The following PDGFD variants were observed in gnomAD, a reference collection of about 807,000 sequenced individuals.
PDGFD encodes the protein platelet derived growth factor D.
Under a neutral mutation model 44.7 loss-of-function variants are expected in PDGFD, and 30 were observed. That is an observed-to-expected ratio of 0.67 (90% CI 0.50 to 0.91). The LOEUF (loss-of-function observed/expected upper bound fraction) is 0.91. PDGFD is among the 40% of genes least tolerant of loss of function. PDGFD has a pLI of 0.00. For missense variants in PDGFD, 445 were observed against 457.8 expected, an observed-to-expected ratio of 0.97 and a Z score of 0.25; for synonymous variants, 173 against 168.4, an observed-to-expected ratio of 1.03 and a Z score of -0.21.
intron 1 of PDGFD, among the ~76,000 whole-genome samples, chr11:104,126,772 T>C (rs1222030930): frequency 1.3e-5 from 2 of 152,106 alleles, no homozygotes; most frequent in Non-Finnish European, 2.9e-5. Flanking sequence ...ACTTTGCCCC[T>C]TTCTTTCCTA....
chr11:103,914,285 C>T (rs139155060), intron 6 of PDGFD, among the ~76,000 whole-genome samples: 18 of 152,274 alleles, frequency 1.2e-4, no homozygotes, highest in Admixed American at 8.5e-4. Flanking sequence ...TCTGTATTCA[C>T]GATAAACAGT....
intron 6 of PDGFD, among the ~76,000 whole-genome samples, chr11:103,911,025 C>T (rs1305866499): frequency 6.6e-6 from 1 of 152,224 alleles, no homozygotes; most frequent in Non-Finnish European, 1.5e-5. Flanking sequence ...GGCCAAACTG[C>T]CTCTCTAGAT....
intron 1 of PDGFD, among the ~76,000 whole-genome samples, chr11:104,072,153 AC>A (rs1420371539): frequency 6.6e-6 from 1 of 151,856 alleles, no homozygotes. Flanking sequence ...GAGATTCTTT[AC>A]ATTTATAAAA....
intron 1 of PDGFD, among the ~76,000 whole-genome samples, chr11:104,074,700 CAG>C (rs1420873867): frequency 2.0e-5 from 3 of 152,086 alleles, no homozygotes; most frequent in African/African-American, 7.2e-5. Context: ...AAATCACACT[CAG>C]TGAAAAAGTA....
At chr11:104,080,315 T>C (rs1028251262) in intron 1 of PDGFD, among the ~76,000 whole-genome samples, 2 of 152,038 alleles carry the variant, frequency 1.3e-5, no homozygotes, top group Admixed American at 6.6e-5. Context: ...AGTAAATAAA[T>C]GATGCTAAGA....
intron 1 of PDGFD, among the ~76,000 whole-genome samples, chr11:104,075,978 G>A (rs1230445763): frequency 6.6e-6 from 1 of 152,172 alleles, no homozygotes; most frequent in Non-Finnish European, 1.5e-5. Context: ...TAATACCCAT[G>A]ATCTCTGTAA....
In PDGFD at chr11:104,163,803, C is replaced by T; in HGVS notation, c.124+1G>A. ...GTTAAAAAATAAAATGAGTCTCTTA[C>T]CATCTCGCCTGAGGTTGGCGTTGCG... On this transcript the variant is annotated splice_donor_variant, in intron 1 of 6. Coordinates refer to ENST00000393158, the MANE Select transcript of PDGFD (RefSeq NM_025208.5). LOFTEE classifies it high-confidence loss of function. The T allele has an allele frequency of 6.5e-7, 1 of 1,533,032 alleles. No individual in the cohort carries two copies. Among genetic ancestry groups the T allele is most frequent in the Non-Finnish European group, 8.9e-7 (1 of 1,127,426 alleles). The allele number at this position is 1,533,032 out of a possible 1,614,324, so 95.0% of individuals were successfully genotyped here. A position where few individuals can be genotyped will look rare whatever the true frequency, so the allele number is the denominator to read the frequency against.
chr11:104,024,599 G>A (rs1179816154), intron 1 of PDGFD, among the ~76,000 whole-genome samples: 2 of 152,122 alleles, frequency 1.3e-5, no homozygotes, highest in Non-Finnish European at 2.9e-5. Context: ...ACAGTAACAC[G>A]TTGTACAGGT....
At chr11:103,988,152 C>A (rs1009512974) in intron 3 of PDGFD, among the ~76,000 whole-genome samples, 8 of 151,970 alleles carry the variant, frequency 5.3e-5, no homozygotes, top group Non-Finnish European at 8.8e-5. Context: ...GCTTGAATAG[C>A]TTTTTCCTAC....
chr11:103,985,854 G>A (rs1304895178), intron 3 of PDGFD, among the ~76,000 whole-genome samples: 1 of 152,122 alleles, frequency 6.6e-6, no homozygotes, highest in Non-Finnish European at 1.5e-5. Flanking sequence ...GCACAGATTG[G>A]AGATGGGGGA....
chr11:103,922,118 G>A (rs1218461287), intron 6 of PDGFD, among the ~76,000 whole-genome samples: 2 of 151,988 alleles, frequency 1.3e-5, no homozygotes, highest in African/African-American at 4.8e-5. Flanking sequence ...TATGTTTTTG[G>A]CTGTTGACTA....
chr11:104,163,432 A>T (rs6591066), intron 1 of PDGFD, among the ~76,000 whole-genome samples: 4,183 of 152,282 alleles, frequency 0.027, 211 homozygotes, highest in African/African-American at 0.095. Context: ...CCTTCCACCT[A>T]TCAAAATTGC....
chr11:104,006,950 CT>C (rs1397768213), intron 1 of PDGFD, among the ~76,000 whole-genome samples: 1 of 152,180 alleles, frequency 6.6e-6, no homozygotes, highest in African/African-American at 2.4e-5. Context: ...CTGGTTAATA[CT>C]TAAGCTGTCT....
At chr11:104,110,382 A>C (rs1861534926) in intron 1 of PDGFD, among the ~76,000 whole-genome samples, 1 of 135,586 alleles carries the variant, frequency 7.4e-6, no homozygotes, top group Non-Finnish European at 1.6e-5. Context: ...TTGAATTCGA[A>C]AGACTGTGAG....
rs1483361519 is a variant in PDGFD, at chr11:104,110,144, T to C, written c.124+53660A>G. On this transcript the variant is annotated intron_variant, in intron 1 of 6. Transcript: ENST00000393158. ...TTTCATAAACACAAAGAAGAAAGTATGGAGATTTTCCTAAACTGAGATTTG... is the reference window on the plus strand; with the variant it reads ...TTTCATAAACACAAAGAAGAAAGTACGGAGATTTTCCTAAACTGAGATTTG... Among the ~76,000 whole-genome samples the C allele has an allele frequency of 2.6e-5, 4 of 152,154 alleles. No homozygotes were observed. The East Asian group carries it at 5.8e-4, about 22-fold the overall frequency.
intron 1 of PDGFD, among the ~76,000 whole-genome samples, chr11:104,095,414 C>T (rs1021866952): frequency 2.6e-5 from 4 of 152,078 alleles, no homozygotes; most frequent in Non-Finnish European, 5.9e-5. Context: ...AAGTAGGCAG[C>T]TCTCTCAACC....
chr11:103,987,044 A>G (rs1316016680), intron 3 of PDGFD, among the ~76,000 whole-genome samples: 1 of 147,904 alleles, frequency 6.8e-6, no homozygotes, highest in Non-Finnish European at 1.5e-5. Flanking sequence ...ATCCTGACCA[A>G]TCAGCACTCC....
chr11:103,962,289 C>T (rs1858950112), intron 3 of PDGFD, among the ~76,000 whole-genome samples: 1 of 152,150 alleles, frequency 6.6e-6, no homozygotes, highest in African/African-American at 2.4e-5. Context: ...TACAAAATTA[C>T]CTTTCTTTTT....
chr11:104,035,607 T>C (rs1860218255), intron 1 of PDGFD, among the ~76,000 whole-genome samples: 1 of 147,706 alleles, frequency 6.8e-6, no homozygotes, highest in Admixed American at 6.8e-5. Flanking sequence ...TGCTAATTGA[T>C]AATATTTAAT....
Sources: allele counts gnomAD v4.1 joint callset (sites outside exome capture counted in the v4.1 genomes callset), GRCh38; gene constraint gnomAD v4.1.1; transcripts MANE v1.5; gene names NCBI Gene and HGNC (gene_info 2026-07-23, HGNC 2026-07-21).